The following FREM2 variants were observed in gnomAD, a reference collection of about 807,000 sequenced individuals.
The protein encoded by FREM2 is FRAS1-related extracellular matrix protein 2.
Under a neutral mutation model 219.9 loss-of-function variants are expected in FREM2, and 119 were observed. The ratio of observed to expected loss-of-function variants is 0.54; its 90% CI spans 0.47 to 0.63. The LOEUF (loss-of-function observed/expected upper bound fraction) is 0.63. Ranked by LOEUF, FREM2 falls within the 30% of genes least tolerant of loss-of-function variation. The pLI is 0.00. For missense variants in FREM2, 4,030 were observed against 3,993.6 expected, an observed-to-expected ratio of 1.01 and a Z score of -0.25; for synonymous variants, 1,562 against 1,522.8, an observed-to-expected ratio of 1.03 and a Z score of -0.60.
intron 2 of FREM2, among the ~76,000 whole-genome samples, chr13:38,747,457 T>G (rs1407023201): frequency 6.9e-6 from 1 of 145,764 alleles, no homozygotes; most frequent in Non-Finnish European, 1.5e-5. Context: ...ATCTCCAGAG[T>G]GCCTGGTGAG....
intron 2 of FREM2, among the ~76,000 whole-genome samples, chr13:38,732,262 A>T (rs1246775827): frequency 6.6e-6 from 1 of 152,240 alleles, no homozygotes; most frequent in East Asian, 1.9e-4. Flanking sequence ...CTAGGGCTGC[A>T]TATAAATCAG....
chr13:38,728,152 C>T (rs1392464516), intron 2 of FREM2, among the ~76,000 whole-genome samples: 3 of 152,018 alleles, frequency 2.0e-5, no homozygotes, highest in Non-Finnish European at 4.4e-5. Flanking sequence ...CAGCACCCAA[C>T]ACCAATATCA....
chr13:38,693,821 T>A (rs917691511), intron 1 of FREM2, among the ~76,000 whole-genome samples: 1 of 152,214 alleles, frequency 6.6e-6, no homozygotes, highest in Non-Finnish European at 1.5e-5. Flanking sequence ...ACCTCCTGAT[T>A]CTTGGCTAAA....
At chr13:38,822,954 C>T (rs548955679) in intron 6 of FREM2, among the ~76,000 whole-genome samples, 10 of 152,024 alleles carry the variant, frequency 6.6e-5, no homozygotes, top group Admixed American at 3.3e-4. Context: ...TCTTTTTAAA[C>T]AGTGCAAGAA....
intron 2 of FREM2, among the ~76,000 whole-genome samples, chr13:38,755,111 C>T (rs1872942899): frequency 6.6e-6 from 1 of 152,030 alleles, no homozygotes; most frequent in African/African-American, 2.4e-5. Context: ...CCATGTTGGT[C>T]AGGCTGGTCT....
chr13:38,756,716 T>A (rs1873019096), intron 2 of FREM2, among the ~76,000 whole-genome samples: 1 of 151,598 alleles, frequency 6.6e-6, no homozygotes, highest in African/African-American at 2.4e-5. Flanking sequence ...GTGTGTATAT[T>A]TTTAGTAGAG....
At chr13:38,848,805 G>A (rs1877263631) in intron 8 of FREM2, 135 bp downstream of exon 8, 1 of 809,894 alleles carries the variant, frequency 1.2e-6, no homozygotes, top group African/African-American at 1.7e-5. Flanking sequence ...AGCACTGTCG[G>A]GGTGGCTTAA....
rs765714454 is a variant in FREM2, at chr13:38,691,887, C to T, written c.4543C>T (p.Arg1515Cys). 1.1e-5 allele frequency: 17 copies of T among 1,614,034 alleles called. No homozygotes were observed. Among genetic ancestry groups the T allele is most frequent in the African/African-American group, 4.0e-5 (3 of 74,932 alleles). The change falls in exon 1 of 24, where the codon CGT becomes TGT. Residue 1515 changes from arginine to cysteine, a missense_variant. Arg to Cys is a radical substitution (Grantham distance 180). Transcript: ENST00000280481. ...TTTTGAGTTTCAAGTCACCGATGGA[C>T]GTAACCCTGTCTTTCGGACATTCCG... ...DSFEFQVTDGRNPVFRTFRIS... is the reference protein window; with the variant it reads ...DSFEFQVTDGCNPVFRTFRIS...
At chr13:38,705,390 T>G (rs1464047855) in intron 2 of FREM2, among the ~76,000 whole-genome samples, 1 of 152,152 alleles carries the variant, frequency 6.6e-6, no homozygotes, top group African/African-American at 2.4e-5. Flanking sequence ...AGGGAGGAAA[T>G]TAAGAGGACA....
chr13:38,878,346 A>G (rs760268791), intron 22 of FREM2, 25 bp downstream of exon 22: 12 of 1,573,794 alleles, frequency 7.6e-6, no homozygotes, highest in Non-Finnish European at 1.0e-5. Context: ...CCAAAAAATG[A>G]GCTAGATAGA....
In FREM2 at chr13:38,872,816, G is replaced by T. The variant is rs569200602; in HGVS notation, c.8058G>T (p.Val2686=). 6.2e-7 allele frequency: 1 copy of T among 1,614,006 alleles called. No homozygotes were observed. Among genetic ancestry groups the T allele is most frequent in the Admixed American group, 1.7e-5 (1 of 60,030 alleles). ...LYVSYVFHSP[V]GVGGWQHFDL... ...TTTCCTACGTGTTCCATTCCCCCGT[G>T]GGGGTAGGAGGCTGGCAGCATTTTG... The change falls in exon 17 of 24, where the codon GTG becomes GTT. Residue 2686 remains valine, a synonymous_variant. Transcript: ENST00000280481.
At chr13:38,826,397 A>G (rs965969114) in intron 6 of FREM2, among the ~76,000 whole-genome samples, 1 of 152,026 alleles carries the variant, frequency 6.6e-6, no homozygotes, top group Non-Finnish European at 1.5e-5. Context: ...TTTTTTTTCC[A>G]CGTACAACAA....
chr13:38,872,709 G>C lies in FREM2; in HGVS notation c.7984-33G>C, dbSNP rs139384518. ...ATTAGGCCCACTTAGTTAACACTGA[G>C]TCATGTTGATTGATGTAATTTTGTT... On this transcript the variant is annotated intron_variant, in intron 16 of 23. Transcript: ENST00000280481. 31 of 1,595,386 alleles carry C rather than the reference G, an allele frequency of 1.9e-5. No individual in the cohort carries two copies. In the African/African-American group the frequency reaches 4.0e-4, roughly 21 times the overall value.
Position 38,687,941 on chromosome 13 carries a change from C to T in FREM2, c.597C>T (p.Ala199=). The T allele has an allele frequency of 1.2e-6, 2 of 1,606,882 alleles. No homozygotes were observed. The highest frequency in any genetic ancestry group is 1.7e-4 in the Middle Eastern group (1 of 6,056). ...VVEELLGTSN[A]LDARSLEFAF... is the part of the protein sequence containing the mutation. Reference sequence around the variant, plus strand: ...AAGAGCTGCTGGGGACCAGCAATGCCCTGGACGCGCGGAGCCTGGAGTTCG... The same window carrying T: ...AAGAGCTGCTGGGGACCAGCAATGCTCTGGACGCGCGGAGCCTGGAGTTCG... Residue 199 remains alanine, a synonymous_variant, in exon 1 of 24, where the codon GCC becomes GCT. Coordinates refer to ENST00000280481, the MANE Select transcript of FREM2 (RefSeq NM_207361.6).
chr13:38,846,505 G>A, intron 6 of FREM2, 68 bp from the exon 7 acceptor site: 1 of 1,520,914 alleles, frequency 6.6e-7, no homozygotes, highest in Non-Finnish European at 9.1e-7. Context: ...TTCTTTGGAA[G>A]CATGTCAATA....
chr13:38,774,921 A>G lies in FREM2; in HGVS notation c.5641+5113A>G, dbSNP rs1873811190. Among the ~76,000 whole-genome samples the G allele has an allele frequency of 2.0e-5, 3 of 152,152 alleles. No homozygotes were observed. The South Asian group carries it at 6.2e-4, about 32-fold the overall frequency. On this transcript the variant is annotated intron_variant, in intron 4 of 23. Transcript: ENST00000280481. ...TTCTGATAGAAACTGAGTCATTCTG[A>G]TATTTCCATGATACCAAAATATGGC...
At chr13:38,799,153 A>G (rs1377050632) in intron 6 of FREM2, among the ~76,000 whole-genome samples, 1 of 151,836 alleles carries the variant, frequency 6.6e-6, no homozygotes, top group Non-Finnish European at 1.5e-5. Flanking sequence ...TTGCTCTATC[A>G]CACAATTTAT....
intron 2 of FREM2, among the ~76,000 whole-genome samples, chr13:38,706,420 A>G (rs146467553): frequency 1.8e-4 from 27 of 152,310 alleles, no homozygotes; most frequent in African/African-American, 6.5e-4. Flanking sequence ...TCATAGAGAA[A>G]AAAGCAAGTA....
At chr13:38,737,739 T>C (rs1872056502) in intron 2 of FREM2, among the ~76,000 whole-genome samples, 1 of 152,232 alleles carries the variant, frequency 6.6e-6, no homozygotes, top group Non-Finnish European at 1.5e-5. Flanking sequence ...AGTGAAGGGT[T>C]GGTGTGGAGA....
Sources: allele counts gnomAD v4.1 joint callset (sites outside exome capture counted in the v4.1 genomes callset), GRCh38; gene constraint gnomAD v4.1.1; transcripts MANE v1.5; gene names NCBI Gene and HGNC (gene_info 2026-07-23, HGNC 2026-07-21).